CLASP2: variants seen among roughly 807,000 people sequenced by gnomAD.
The protein encoded by CLASP2 is cytoplasmic linker associated protein 2.
Under a neutral mutation model 194.4 loss-of-function variants are expected in CLASP2, and 47 were observed. The ratio of observed to expected loss-of-function variants is 0.24; its 90% confidence interval spans 0.19 to 0.31. CLASP2 has a LOEUF of 0.31. CLASP2 is among the 10% of genes least tolerant of loss of function. CLASP2 has a pLI of 1.00. For missense variants in CLASP2, 1,445 were observed against 1,823.6 expected (o/e 0.79, Z 3.78); for synonymous variants, 619 against 633.5 (o/e 0.98, Z 0.34).
At chr3:33,531,631 C>T (rs2056327240) in intron 34 of CLASP2, among the ~76,000 whole-genome samples, 1 of 152,108 alleles carries the variant, frequency 6.6e-6, no homozygotes, top group African/African-American at 2.4e-5. Flanking sequence ...AAAAATTAGC[C>T]AGGCATGGCG....
At chr3:33,667,372 G>A (rs1353916439) in intron 6 of CLASP2, among the ~76,000 whole-genome samples, 1 of 129,472 alleles carries the variant, frequency 7.7e-6, no homozygotes, top group Admixed American at 8.9e-5. Flanking sequence ...TCGTGTCACT[G>A]CACTCCAGCC....
At chr3:33,689,358 T>C (rs1319131182) in intron 3 of CLASP2, among the ~76,000 whole-genome samples, 2 of 149,646 alleles carry the variant, frequency 1.3e-5, no homozygotes, top group Non-Finnish European at 3.0e-5. Flanking sequence ...TAAACGAGAG[T>C]GGAAGGATAC....
In CLASP2 at chr3:33,622,128, T is replaced by C. The variant is rs368734053; in HGVS notation, c.1181+7A>G. ...AAAAACACTTATCATAAAAGGAATA[T>C]ACTTACGCTACAGTAATACAAGCTT... On this transcript the variant is annotated splice_region_variant and intron_variant, in intron 11 of 38. Coordinates refer to ENST00000682230, the MANE Select transcript of CLASP2 (RefSeq NM_001365631.1). The C allele has an allele frequency of 1.9e-6, 3 of 1,561,962 alleles. No individual in the cohort carries two copies. Among genetic ancestry groups the C allele is most frequent in the African/African-American group, 2.8e-5 (2 of 72,088 alleles).
At chr3:33,572,640 G>C (rs1576607756) in intron 25 of CLASP2, among the ~76,000 whole-genome samples, 1 of 152,046 alleles carries the variant, frequency 6.6e-6, no homozygotes. Context: ...ACAAATATCT[G>C]TTCTTAAAGA....
rs186635247 is a variant in CLASP2, at chr3:33,660,073, T to C, written c.715+3372A>G. Among the ~76,000 whole-genome samples the C allele has an allele frequency of 2.1e-3, 324 of 152,310 alleles. 1 individual carries two copies. The highest frequency in any genetic ancestry group is 3.9e-3 in the Non-Finnish European group (267 of 68,026). On this transcript the variant is annotated intron_variant, in intron 7 of 38. Coordinates refer to ENST00000682230, the MANE Select transcript of CLASP2 (RefSeq NM_001365631.1). The stretch of plus-strand genomic sequence containing the variant: ...ATTGCATGGCCAAGACTGCATTAGG[T>C]CCTAAACACACACTCGACAAATAAG...
In CLASP2 at chr3:33,684,350, A is replaced by G; in HGVS notation, c.644+9T>C. On this transcript the variant is annotated intron_variant, in intron 6 of 38. Transcript: ENST00000682230. ...AAAAAAAAAAAGAACCAAATTTAGC[A>G]AGACTTACCTAGCAGGGGGAATTCC... 1 of 1,534,006 alleles carries G rather than the reference A, an allele frequency of 6.5e-7. No homozygotes were observed. Among genetic ancestry groups the G allele is most frequent in the Non-Finnish European group, 8.8e-7 (1 of 1,138,168 alleles).
chr3:33,622,017 G>A (rs1263926839), intron 11 of CLASP2, 118 bp downstream of exon 11: 1 of 729,838 alleles, frequency 1.4e-6, no homozygotes, highest in African/African-American at 1.8e-5. Context: ...TAATAAAAAT[G>A]ATTTTTGGAT....
At chr3:33,607,494 T>C (rs1474061189) in intron 14 of CLASP2, 33 bp from the exon 15 acceptor site, 2 of 1,471,964 alleles carry the variant, frequency 1.4e-6, no homozygotes, top group South Asian at 1.2e-5. Flanking sequence ...AGAGTTATGA[T>C]ATAGCTGTAT....
intron 18 of CLASP2, among the ~76,000 whole-genome samples, chr3:33,599,520 A>T (rs1305383793): frequency 2.0e-5 from 3 of 152,194 alleles, no homozygotes; most frequent in Non-Finnish European, 4.4e-5. Context: ...CATAAAACGC[A>T]ACAAACTTTT....
intron 6 of CLASP2, among the ~76,000 whole-genome samples, chr3:33,684,037 A>G (rs1049443548): frequency 4.6e-5 from 7 of 151,880 alleles, no homozygotes; most frequent in South Asian, 2.1e-4. Context: ...TGAGGTTGAG[A>G]GTTTGAGACC....
At chr3:33,502,889 A>T (rs2047161262) in intron 37 of CLASP2, 2 of 152,170 alleles carry the variant, frequency 1.3e-5, no homozygotes. Context: ...ATGTAAATTA[A>T]TTTTTCTATA....
chr3:33,586,678 A>C lies in CLASP2; in HGVS notation c.2069-1758T>G, dbSNP rs537678290. ...ACTCCAAGATATAATCTAAATGTAG[A>C]TTCAGAAAAGTAACAGAAAAACTAA... On this transcript the variant is annotated intron_variant, in intron 21 of 38. Transcript: ENST00000682230. Among the ~76,000 whole-genome samples, 547 of 152,342 alleles carry C rather than the reference A, an allele frequency of 3.6e-3. 1 individual carries two copies. The highest frequency in any genetic ancestry group is 6.4e-3 in the Non-Finnish European group (433 of 68,032).
At chr3:33,682,053 A>G (rs1413785375) in intron 6 of CLASP2, among the ~76,000 whole-genome samples, 1 of 151,824 alleles carries the variant, frequency 6.6e-6, no homozygotes, top group Non-Finnish European at 1.5e-5. Context: ...CCTCACCAGA[A>G]GCCTAGCAAA....
At chr3:33,507,468 TAGAAA>T (rs1463610976) in intron 37 of CLASP2, among the ~76,000 whole-genome samples, 4 of 152,196 alleles carry the variant, frequency 2.6e-5, no homozygotes, top group Non-Finnish European at 4.4e-5. Flanking sequence ...TCAATTGCTT[TAGAAA>T]AGAAAACTTT....
At position 33,594,962 on chromosome 3, in the gene CLASP2, G is replaced by A; in HGVS notation, c.1955C>T (p.Ala652Val). The change falls in exon 20 of 39, where the codon GCA becomes GTA. Residue 652 changes from alanine (A) to valine (V), a missense_variant. Coordinates refer to ENST00000682230, the MANE Select transcript of CLASP2 (RefSeq NM_001365631.1). ...EDTSDKLDGT[A>V]SEDGRVRAKL... ...TGTATAGTTCTTACCATCTTCAGAT[G>A]CTGTTCCTAAATAAGAAAAATAAAA... 3 of 1,427,532 alleles carry A rather than the reference G, an allele frequency of 2.1e-6. No homozygotes were observed. Among genetic ancestry groups the A allele is most frequent in the South Asian group, 1.5e-5 (1 of 67,508 alleles). 88.4% of individuals were successfully genotyped at this position (1,427,532 alleles called of 1,614,324 possible). A position where few individuals can be genotyped will look rare whatever the true frequency, so the allele number is the denominator to read the frequency against.
chr3:33,556,469 T>G (rs1232432120), intron 29 of CLASP2, among the ~76,000 whole-genome samples: 1 of 151,296 alleles, frequency 6.6e-6, no homozygotes, highest in African/African-American at 2.4e-5. Context: ...GGAGTCTCAC[T>G]CTGTCATCCA....
Position 33,570,751 on chromosome 3 carries a change from T to C in CLASP2, c.2739A>G (p.Arg913=), listed in dbSNP as rs372834759. The stretch of plus-strand genomic sequence containing the variant: ...CCTTGCCATGAGGGTCAGCAAACAT[T>C]CTTGTGAAAATTTCACATAATCTTT... ...ELKRLCEIFT[R]MFADPHGKRV... is the part of the protein sequence containing the mutation. The change falls in exon 26 of 39, where the codon AGA becomes AGG. Residue 913 remains arginine (R), a synonymous_variant. Coordinates refer to ENST00000682230, the MANE Select transcript of CLASP2 (RefSeq NM_001365631.1). The C allele has an allele frequency of 4.8e-5, 77 of 1,592,600 alleles. No individual in the cohort carries two copies. In the African/African-American group the frequency reaches 8.7e-4, roughly 18 times the overall value.
intron 27 of CLASP2, among the ~76,000 whole-genome samples, chr3:33,562,965 T>G (rs2062032470): frequency 6.6e-6 from 1 of 152,204 alleles, no homozygotes; most frequent in Non-Finnish European, 1.5e-5. Context: ...AATTCTCCAT[T>G]GACTCTTCCC....
chr3:33,629,764 A>T (rs992798872), intron 9 of CLASP2, among the ~76,000 whole-genome samples: 7 of 151,316 alleles, frequency 4.6e-5, no homozygotes, highest in African/African-American at 1.2e-4. Flanking sequence ...AATGAGTATT[A>T]AAAAAAAATC....
Sources: gnomAD v4.1 joint callset for allele counts (sites outside exome capture counted in the v4.1 genomes callset) on GRCh38, gnomAD v4.1.1 for gene constraint, MANE v1.5 for transcripts, NCBI Gene and HGNC (gene_info 2026-07-23, HGNC 2026-07-21) for gene names.